The following CPLX2 variants were observed in gnomAD, a reference collection of about 807,000 sequenced individuals.
The protein encoded by CPLX2 is complexin 2.
A neutral mutation model predicts 16.3 loss-of-function variants in CPLX2; 5 were observed. The ratio of observed to expected loss-of-function variants is 0.31; its 90% confidence interval spans 0.16 to 0.64. CPLX2 has a LOEUF of 0.64. Among genes scored for constraint, CPLX2 ranks in the 30% least tolerant of loss-of-function variants. CPLX2 has a pLI of 0.79. For missense variants in CPLX2, 144 were observed against 181.4 expected, an observed-to-expected ratio of 0.79 and a Z score of 1.18; for synonymous variants, 89 against 73.2, an observed-to-expected ratio of 1.22 and a Z score of -1.10.
At chr5:175,798,503 C>A (rs912497368) in intron 1 of CPLX2, among the ~76,000 whole-genome samples, 1 of 152,084 alleles carries the variant, frequency 6.6e-6, no homozygotes, top group Admixed American at 6.5e-5. Context: ...GCAGGAGTCA[C>A]GAACTGTAAG....
At chr5:175,828,922 C>G (rs1294215015) in intron 2 of CPLX2, among the ~76,000 whole-genome samples, 4 of 152,116 alleles carry the variant, frequency 2.6e-5, no homozygotes, top group Non-Finnish European at 1.5e-5. Flanking sequence ...GGATGCCTCC[C>G]CCATCTGACA....
intron 2 of CPLX2, among the ~76,000 whole-genome samples, chr5:175,842,167 C>A (rs1181238276): frequency 6.6e-6 from 1 of 152,226 alleles, no homozygotes; most frequent in Non-Finnish European, 1.5e-5. Flanking sequence ...AGCAGTGGCA[C>A]AGCAGGCTGC....
chr5:175,878,981 G>A lies in CPLX2; in HGVS notation c.105G>A (p.Glu35=), dbSNP rs148443914. Residue 35 remains glutamate, a synonymous_variant, in exon 3 of 4, where the codon GAG becomes GAA. Coordinates refer to ENST00000393745, the MANE Select transcript of CPLX2 (RefSeq NM_001008220.2). ...ACCCCGACGCGCAGAAAAAGGAGGA[G>A]GAGCGGCAGGAGGCGCTGCGGCAGC... ...EKDPDAQKKE[E]ERQEALRQQE... 170 of 1,604,696 alleles carry A rather than the reference G, an allele frequency of 1.1e-4. No individual in the cohort carries two copies. The highest frequency in any genetic ancestry group is 1.7e-4 in the Middle Eastern group (1 of 6,016).
At chr5:175,850,188 G>T (rs1278298767) in intron 2 of CPLX2, among the ~76,000 whole-genome samples, 2 of 151,932 alleles carry the variant, frequency 1.3e-5, no homozygotes, top group African/African-American at 4.8e-5. Context: ...TTGATTCAAA[G>T]ATTTCCCTGT....
At chr5:175,818,008 T>C (rs1758439634) in intron 2 of CPLX2, among the ~76,000 whole-genome samples, 1 of 152,136 alleles carries the variant, frequency 6.6e-6, no homozygotes, top group Admixed American at 6.6e-5. Context: ...CTGCAAGCAC[T>C]CCCTGTTTCT....
At position 175,830,639 on chromosome 5, in the gene CPLX2, T is replaced by A. The variant is rs1209366657; in HGVS notation, c.-89+21571T>A. Among the ~76,000 whole-genome samples, 1 of 152,246 alleles carries A rather than the reference T, an allele frequency of 6.6e-6. No homozygotes were observed. The highest frequency in any genetic ancestry group is 2.1e-4 in the South Asian group (1 of 4,836). ...CATAGCTCTGCAGGCAGGCAAGGGA[T>A]GAGCACAATCCAGTCTCTGGAGTCC... On this transcript the variant is annotated intron_variant, in intron 2 of 4. Transcript: ENST00000359546. This position sits in a 1 kb window ranked among gnomAD's most constrained non-coding sequence, Gnocchi z 4.0.
intron 1 of CPLX2, among the ~76,000 whole-genome samples, chr5:175,874,534 G>C (rs1759713322): frequency 6.6e-6 from 1 of 152,184 alleles, no homozygotes; most frequent in Admixed American, 6.5e-5. Flanking sequence ...GTGAATGAAT[G>C]AATGAATAAT....
chr5:175,861,814 C>T (rs1289649936), intron 2 of CPLX2: 2 of 152,196 alleles, frequency 1.3e-5, no homozygotes, highest in Non-Finnish European at 2.9e-5. Context: ...CCATGACCCC[C>T]TCAAGAGGGG....
intron 2 of CPLX2, among the ~76,000 whole-genome samples, chr5:175,836,557 C>T (rs1265304496): frequency 6.6e-6 from 1 of 151,946 alleles, no homozygotes; most frequent in Non-Finnish European, 1.5e-5. Flanking sequence ...AGCGGGGTGG[C>T]GAGATGTTGC....
rs980478393 is a variant in CPLX2, at chr5:175,878,938, G to A, written c.62G>A (p.Gly21Glu). The change falls in exon 3 of 4, where the codon GGG becomes GAG. Residue 21 changes from glycine (G) to glutamate (E), a missense_variant. By Grantham distance (98) the Gly-to-Glu change is moderately conservative (BLOSUM62 -2). Coordinates refer to ENST00000393745, the MANE Select transcript of CPLX2 (RefSeq NM_001008220.2). ...ACAAAGGACATGGGGAAGATGCTGG[G>A]GGGAGAGGAGGAGAAGGACCCCGAC... ...GATKDMGKML[G>E]GEEEKDPDAQ... is the part of the protein sequence containing the mutation. 1 of 1,612,630 alleles carries A rather than the reference G, an allele frequency of 6.2e-7. No homozygotes were observed. Among genetic ancestry groups the A allele is most frequent in the Non-Finnish European group, 8.5e-7 (1 of 1,179,448 alleles).
At position 175,818,650 on chromosome 5, in the gene CPLX2, C is replaced by CTTTTTTTT. The variant is rs70988300; in HGVS notation, c.-89+9604_-89+9611dup. ...CTGCAAAAGGAGCTGCTGTCCCAAC[C>CTTTTTTTT]TTTTTTTTTTTTTTTTTTTTTTTTT... is the stretch of plus-strand genomic sequence containing the variant. On this transcript the variant is annotated intron_variant, in intron 2 of 4. Transcript: ENST00000359546. Among the ~76,000 whole-genome samples the CTTTTTTTT allele has an allele frequency of 2.4e-4, 12 of 50,866 alleles. 1 individual carries two copies. The highest frequency in any genetic ancestry group is 6.6e-4 in the African/African-American group (9 of 13,538). The allele number at this position is 50,866 out of a possible 152,430, so 33.4% of individuals were successfully genotyped here.
At chr5:175,822,587 C>T (rs1274647874) in intron 2 of CPLX2, among the ~76,000 whole-genome samples, 2 of 152,248 alleles carry the variant, frequency 1.3e-5, no homozygotes, top group African/African-American at 2.4e-5. Flanking sequence ...GTCAGACACA[C>T]ATGGCCCCAG....
chr5:175,821,714 T>A (rs989870026), intron 2 of CPLX2, among the ~76,000 whole-genome samples: 1 of 152,196 alleles, frequency 6.6e-6, no homozygotes, highest in African/African-American at 2.4e-5. Flanking sequence ...GGCCCTAAAT[T>A]TACTTCTTAT....
At chr5:175,866,902 G>A (rs552061646), upstream of CPLX2, among the ~76,000 whole-genome samples, 3 of 152,172 alleles carry the variant, frequency 2.0e-5, no homozygotes, top group South Asian at 2.1e-4. Context: ...GTGAGAACTT[G>A]TCTCCACAGA....
chr5:175,869,854 T>G (rs1299460163), upstream of CPLX2, among the ~76,000 whole-genome samples: 1 of 152,160 alleles, frequency 6.6e-6, no homozygotes, highest in Non-Finnish European at 1.5e-5. Context: ...TCAACTAGAT[T>G]TGTAGCCCAG....
At chr5:175,820,516 C>T (rs1452610158) in intron 2 of CPLX2, among the ~76,000 whole-genome samples, 2 of 152,194 alleles carry the variant, frequency 1.3e-5, no homozygotes, top group African/African-American at 2.4e-5. Flanking sequence ...CAGCTGCCCC[C>T]ACTCAGGCTG....
intron 2 of CPLX2, among the ~76,000 whole-genome samples, chr5:175,860,433 G>A (rs1759339875): frequency 7.2e-6 from 1 of 139,040 alleles, no homozygotes; most frequent in African/African-American, 2.8e-5. Context: ...AGGAAGGAAG[G>A]AAGAAAGAGA....
intron 2 of CPLX2, among the ~76,000 whole-genome samples, chr5:175,856,089 T>G (rs1759252291): frequency 6.6e-6 from 1 of 152,218 alleles, no homozygotes; most frequent in South Asian, 2.1e-4. Context: ...AGCAAATTCT[T>G]GGACTAAACA....
chr5:175,847,760 C>A (rs952482336), intron 2 of CPLX2, among the ~76,000 whole-genome samples: 9 of 152,210 alleles, frequency 5.9e-5, no homozygotes, highest in Admixed American at 5.9e-4. Flanking sequence ...ACAGAGTTAA[C>A]CCTGGCTTCC....
Sources: allele counts gnomAD v4.1 joint callset (sites outside exome capture counted in the v4.1 genomes callset), GRCh38; gene constraint gnomAD v4.1.1; non-coding constraint Gnocchi (gnomAD v3.1); transcripts MANE v1.5; gene names NCBI Gene and HGNC (gene_info 2026-07-23, HGNC 2026-07-21).